PPP2R2C: variants seen among roughly 807,000 people sequenced by gnomAD.
PPP2R2C encodes the protein protein phosphatase 2 regulatory subunit Bgamma.
PPP2R2C carries 10 observed loss-of-function variants against 45.3 expected under a neutral mutation model. The observed-to-expected ratio is 0.22, with a 90% CI of 0.14 to 0.37. PPP2R2C has a LOEUF of 0.37. PPP2R2C is among the 10% of genes least tolerant of loss of function. The pLI, the probability that PPP2R2C is intolerant of heterozygous loss-of-function variation, is 1.00. For missense variants in PPP2R2C, 308 were observed against 619.7 expected, an observed-to-expected ratio of 0.50 and a Z score of 5.34; for synonymous variants, 257 against 245.4, an observed-to-expected ratio of 1.05 and a Z score of -0.44.
intron 2 of PPP2R2C, among the ~76,000 whole-genome samples, chr4:6,505,120 T>C (rs559580620): frequency 6.6e-6 from 1 of 151,652 alleles, no homozygotes; most frequent in South Asian, 2.1e-4. Context: ...TCAGAAACTA[T>C]GGAGGCCAGA....
chr4:6,519,284 G>A (rs1723938497), intron 2 of PPP2R2C, among the ~76,000 whole-genome samples: 1 of 152,164 alleles, frequency 6.6e-6, no homozygotes, highest in Non-Finnish European at 1.5e-5. Flanking sequence ...AGCCCCCACG[G>A]CACCTAGGAA....
chr4:6,392,679 G>A (rs551632421), intron 1 of PPP2R2C, among the ~76,000 whole-genome samples: 6 of 152,302 alleles, frequency 3.9e-5, no homozygotes, highest in South Asian at 2.1e-4. Flanking sequence ...GGGCTGGGCC[G>A]GGGTCCTGCA....
intron 1 of PPP2R2C, among the ~76,000 whole-genome samples, chr4:6,455,289 T>A (rs867023621): frequency 6.6e-6 from 1 of 152,174 alleles, no homozygotes; most frequent in Non-Finnish European, 1.5e-5. Flanking sequence ...AGAAATTGCA[T>A]CCCTACCTGG....
intron 2 of PPP2R2C, among the ~76,000 whole-genome samples, chr4:6,379,536 G>C (rs1249645245): frequency 6.6e-6 from 1 of 152,242 alleles, no homozygotes; most frequent in Non-Finnish European, 1.5e-5. Flanking sequence ...AGTGGGACTA[G>C]AAGGAAGAAA....
chr4:6,403,451 C>T (rs113315869), intron 1 of PPP2R2C, among the ~76,000 whole-genome samples: 4 of 152,300 alleles, frequency 2.6e-5, no homozygotes, highest in South Asian at 2.1e-4. Context: ...CTGTTTACAG[C>T]GGGGTGAGGC....
At chr4:6,520,470 C>T (rs938822429) in intron 2 of PPP2R2C, among the ~76,000 whole-genome samples, 7 of 152,342 alleles carry the variant, frequency 4.6e-5, no homozygotes, top group Non-Finnish European at 5.9e-5. Context: ...CCTGTCAATA[C>T]TGTCAGGGTG....
chr4:6,465,068 G>A (rs562087764), intron 1 of PPP2R2C, among the ~76,000 whole-genome samples: 1 of 152,212 alleles, frequency 6.6e-6, no homozygotes, highest in African/African-American at 2.4e-5. Context: ...ACTTGGGGGC[G>A]GGGCCAAGGT....
intron 2 of PPP2R2C, among the ~76,000 whole-genome samples, chr4:6,478,097 C>A (rs1205585677): frequency 2.6e-5 from 4 of 152,248 alleles, no homozygotes; most frequent in Admixed American, 2.6e-4. Context: ...GACAGCTGCC[C>A]TTCCCAAACT....
intron 2 of PPP2R2C, among the ~76,000 whole-genome samples, chr4:6,500,453 A>C (rs926201243): frequency 1.3e-5 from 2 of 152,160 alleles, no homozygotes; most frequent in Admixed American, 6.5e-5. Flanking sequence ...CGGCCAGCAG[A>C]AGGTATTCTA....
At chr4:6,347,742 T>C (rs1712127957) in intron 6 of PPP2R2C, 104 bp downstream of exon 6, 12 of 1,411,650 alleles carry the variant, frequency 8.5e-6, no homozygotes, top group Non-Finnish European at 1.1e-5. Context: ...CAGGACATGC[T>C]CATCCCACAC....
At chr4:6,481,754 G>A (rs1722356831) in intron 2 of PPP2R2C, among the ~76,000 whole-genome samples, 2 of 151,984 alleles carry the variant, frequency 1.3e-5, no homozygotes, top group African/African-American at 4.8e-5. Flanking sequence ...TGAGGCATGT[G>A]GATCACCTGA....
At chr4:6,402,701 G>A (rs11930718) in intron 1 of PPP2R2C, among the ~76,000 whole-genome samples, 9,817 of 152,284 alleles carry the variant, frequency 0.064, 712 homozygotes, top group African/African-American at 0.17. Flanking sequence ...AGGGAGACAT[G>A]GGGATTCTGA....
In PPP2R2C at chr4:6,332,238, A is replaced by C. The variant is rs989091604; in HGVS notation, c.960+1324T>G. Among the ~76,000 whole-genome samples, 4 of 152,088 alleles carry C rather than the reference A, an allele frequency of 2.6e-5. No homozygotes were observed. Among genetic ancestry groups the C allele is most frequent in the Non-Finnish European group, 5.9e-5 (4 of 68,014 alleles). ...ATTTCCCTGAGCTGCCTCCAGAGGG[A>C]GCCAGAGAGTTGCTCCTGCAGGCTT... On this transcript the variant is annotated intron_variant, in intron 7 of 8. Coordinates refer to ENST00000382599, the MANE Select transcript of PPP2R2C (RefSeq NM_020416.4). This position sits in a 1 kb window ranked among gnomAD's most constrained non-coding sequence, Gnocchi z 4.9.
At chr4:6,490,407 CATT>C (rs1408821662) in intron 2 of PPP2R2C, among the ~76,000 whole-genome samples, 1 of 152,216 alleles carries the variant, frequency 6.6e-6, no homozygotes, top group African/African-American at 2.4e-5. Context: ...TTCGAGTCAT[CATT>C]AAGTCCATAC....
chr4:6,400,298 T>C (rs1359090912), intron 1 of PPP2R2C, among the ~76,000 whole-genome samples: 1 of 152,222 alleles, frequency 6.6e-6, no homozygotes, highest in Non-Finnish European at 1.5e-5. Flanking sequence ...ATTAAAGAGA[T>C]TGATACACAC....
At chr4:6,366,066 G>A (rs762209997) in intron 5 of PPP2R2C, among the ~76,000 whole-genome samples, 1 of 152,208 alleles carries the variant, frequency 6.6e-6, no homozygotes, top group Non-Finnish European at 1.5e-5. Context: ...AACCATCAGA[G>A]ATGCAGGGAT....
intron 1 of PPP2R2C, among the ~76,000 whole-genome samples, chr4:6,420,491 G>A (rs1038763864): frequency 1.1e-4 from 16 of 152,128 alleles, no homozygotes; most frequent in African/African-American, 3.4e-4. Flanking sequence ...CCACACCCCC[G>A]CCTTGCGAGT....
chr4:6,378,641 AC>A lies in PPP2R2C; in HGVS notation c.169-70del. On this transcript the variant is annotated intron_variant, in intron 2 of 8. Transcript: ENST00000382599. This position sits in a 1 kb window ranked among gnomAD's most constrained non-coding sequence, Gnocchi z 5.2. ...AGGGCGACGGCTAGGACCTCCGGGG[AC>A]CCAGCAGGGCCGGCCGTGGGACCAA... 6.6e-7 allele frequency: 1 copy of A among 1,526,328 alleles called. No individual in the cohort carries two copies. The highest frequency in any genetic ancestry group is 8.9e-7 in the Non-Finnish European group (1 of 1,127,116). 94.5% of individuals were successfully genotyped at this position (1,526,328 alleles called of 1,614,324 possible). A position where few individuals can be genotyped will look rare whatever the true frequency, so the allele number is the denominator to read the frequency against.
At chr4:6,386,870 T>C (rs1300743891) in intron 1 of PPP2R2C, among the ~76,000 whole-genome samples, 1 of 151,892 alleles carries the variant, frequency 6.6e-6, no homozygotes, top group African/African-American at 2.4e-5. Flanking sequence ...AAAGAATAAA[T>C]CTCAGCAGAG....
Sources: gnomAD v4.1 joint callset for allele counts (sites outside exome capture counted in the v4.1 genomes callset) on GRCh38, gnomAD v4.1.1 for gene constraint, Gnocchi (gnomAD v3.1) non-coding constraint, MANE v1.5 for transcripts, NCBI Gene and HGNC (gene_info 2026-07-23, HGNC 2026-07-21) for gene names.